The following SPMIP2 variants were observed in gnomAD, a reference collection of about 807,000 sequenced individuals.
SPMIP2 encodes protein SPMIP2.
At chr4:159,078,142 G>A in the SPMIP2 span, among the ~76,000 whole-genome samples, 1 of 152,036 alleles carries the variant, frequency 6.6e-6, no homozygotes, top group African/African-American at 2.4e-5. Context: ...AAAGTAAAGG[G>A]GGAAAATCGG....
chr4:158,993,591 G>A, the SPMIP2 span, among the ~76,000 whole-genome samples: 298 of 151,816 alleles, frequency 2.0e-3, 1 homozygote, highest in Middle Eastern at 0.01. Flanking sequence ...TATTCAACAC[G>A]TACTTATGAA....
At chr4:159,040,677 G>T in the SPMIP2 span, among the ~76,000 whole-genome samples, 1 of 151,924 alleles carries the variant, frequency 6.6e-6, no homozygotes, top group African/African-American at 2.4e-5. Flanking sequence ...TGTTTCCCAG[G>T]CTGGTCTTGA....
At chr4:158,896,351 C>T in the SPMIP2 span, among the ~76,000 whole-genome samples, 6 of 152,108 alleles carry the variant, frequency 3.9e-5, no homozygotes, top group African/African-American at 9.7e-5. Flanking sequence ...TTATTATAAG[C>T]CCACCAAAGA....
chr4:158,895,344 T>C, the SPMIP2 span, among the ~76,000 whole-genome samples: 39 of 152,310 alleles, frequency 2.6e-4, no homozygotes, highest in East Asian at 3.7e-3. Flanking sequence ...ATAACAAAAA[T>C]GCAATTTGCT....
the SPMIP2 span, among the ~76,000 whole-genome samples, chr4:159,068,744 T>C: frequency 6.7e-5 from 10 of 148,728 alleles, no homozygotes; most frequent in African/African-American, 2.2e-4. Flanking sequence ...GAGCCAAAAC[T>C]GACAAAACTA....
chr4:159,007,964 C>G, the SPMIP2 span: 2 of 377,166 alleles, frequency 5.3e-6, no homozygotes, highest in East Asian at 7.1e-5. Flanking sequence ...TCACCTGGCA[C>G]AGTGGCATGC....
At chr4:159,037,374 C>T in the SPMIP2 span, among the ~76,000 whole-genome samples, 1 of 150,796 alleles carries the variant, frequency 6.6e-6, no homozygotes, top group Non-Finnish European at 1.5e-5. Context: ...TACATAGTTT[C>T]AAAGTAAAAT....
the SPMIP2 span, among the ~76,000 whole-genome samples, chr4:159,042,209 C>T: frequency 0.18 from 26,675 of 152,076 alleles, 2,731 homozygotes; most frequent in African/African-American, 0.28. Context: ...TATAAAAAAT[C>T]AACCTCCTTT....
At chr4:158,953,890 T>C in the SPMIP2 span, among the ~76,000 whole-genome samples, 1 of 152,244 alleles carries the variant, frequency 6.6e-6, no homozygotes, top group Non-Finnish European at 1.5e-5. Flanking sequence ...ATTTCTCCCA[T>C]TTGAACAGCT....
the SPMIP2 span, among the ~76,000 whole-genome samples, chr4:159,034,080 A>G: frequency 6.6e-6 from 1 of 152,234 alleles, no homozygotes; most frequent in Admixed American, 6.5e-5. Flanking sequence ...GAGGGTGCAG[A>G]GAGCCCAGAT....
chr4:159,061,170 G>C, the SPMIP2 span, among the ~76,000 whole-genome samples: 1 of 150,260 alleles, frequency 6.7e-6, no homozygotes, highest in Non-Finnish European at 1.5e-5. Flanking sequence ...TGGAGGGAAA[G>C]GAATATAGCC....
chr4:158,925,165 G>C, the SPMIP2 span, among the ~76,000 whole-genome samples: 1 of 152,096 alleles, frequency 6.6e-6, no homozygotes, highest in Non-Finnish European at 1.5e-5. Flanking sequence ...AGTTATTCAG[G>C]CTTCACCTTT....
At chr4:159,081,826 T>G in the SPMIP2 span, among the ~76,000 whole-genome samples, 1 of 152,234 alleles carries the variant, frequency 6.6e-6, no homozygotes, top group Non-Finnish European at 1.5e-5. Context: ...ACCTTTGCAT[T>G]ATTATAAACA....
the SPMIP2 span, among the ~76,000 whole-genome samples, chr4:158,943,617 C>G: frequency 5.3e-5 from 8 of 152,004 alleles, no homozygotes; most frequent in Non-Finnish European, 1.0e-4. Context: ...AGAACAAGGC[C>G]TTCAGGTTTA....
At chr4:159,037,981 T>C in the SPMIP2 span, among the ~76,000 whole-genome samples, 19 of 148,120 alleles carry the variant, frequency 1.3e-4, no homozygotes, top group African/African-American at 4.0e-4. Flanking sequence ...CTCTCTCTCT[T>C]TCTCTCTCTC....
At chr4:158,919,966 T>C in the SPMIP2 span, among the ~76,000 whole-genome samples, 1 of 152,106 alleles carries the variant, frequency 6.6e-6, no homozygotes. Context: ...TGGGGCCTGG[T>C]GGGAGGGGAT....
chr4:159,007,974 C>T, the SPMIP2 span: 65 of 367,410 alleles, frequency 1.8e-4, no homozygotes, highest in East Asian at 1.8e-3. Context: ...CAGTGGCATG[C>T]GCCTGTAGTC....
chr4:158,919,588 A>G, the SPMIP2 span, among the ~76,000 whole-genome samples: 1 of 152,188 alleles, frequency 6.6e-6, no homozygotes, highest in African/African-American at 2.4e-5. Flanking sequence ...TACCTACCAG[A>G]ATTCTCCTTT....
chr4:158,906,610 T>C, the SPMIP2 span: 1 of 152,164 alleles, frequency 6.6e-6, no homozygotes, highest in African/African-American at 2.4e-5. Context: ...CTTGGAAAAA[T>C]GCCTGTTGGA....
Sources: allele counts gnomAD v4.1 joint callset (sites outside exome capture counted in the v4.1 genomes callset), GRCh38; gene constraint gnomAD v4.1.1; transcripts MANE v1.5; gene names NCBI Gene and HGNC (gene_info 2026-07-23, HGNC 2026-07-21).